PCNX2: variants seen among roughly 807,000 people sequenced by gnomAD.
PCNX2 encodes the protein pecanex-like protein 2.
Under a neutral mutation model 223.8 loss-of-function variants are expected in PCNX2, and 168 were observed. The ratio of observed to expected loss-of-function variants is 0.75; its 90% CI spans 0.66 to 0.85. PCNX2 has a LOEUF of 0.85. PCNX2 is among the 40% of genes least tolerant of loss of function. The probability of loss-of-function intolerance (pLI) is 0.00; values close to 1 mark genes in which losing one functional copy is unlikely to be tolerated. For missense variants in PCNX2, 2,507 were observed against 2,675.5 expected, an observed-to-expected ratio of 0.94 and a Z score of 1.39; for synonymous variants, 1,006 against 1,052.6, an observed-to-expected ratio of 0.96 and a Z score of 0.86.
the PCNX2 span, among the ~76,000 whole-genome samples, chr1:233,316,010 G>T: frequency 1.3e-5 from 2 of 152,218 alleles, no homozygotes; most frequent in South Asian, 4.1e-4. Context: ...TCATGAGCTT[G>T]ATAGTTTACT....
intron 1 of PCNX2, among the ~76,000 whole-genome samples, chr1:233,264,463 T>G (rs540350358): frequency 6.6e-6 from 1 of 152,258 alleles, no homozygotes; most frequent in South Asian, 2.1e-4. Flanking sequence ...CGTGGTCCCA[T>G]GCAAGAGTCT....
intron 32 of PCNX2, among the ~76,000 whole-genome samples, chr1:232,995,122 C>G (rs569473848): frequency 6.6e-6 from 1 of 152,284 alleles, no homozygotes; most frequent in Admixed American, 6.5e-5. Flanking sequence ...AGAACTGTTA[C>G]TGTTATCAAA....
intron 15 of PCNX2, among the ~76,000 whole-genome samples, chr1:233,182,010 C>T (rs890073514): frequency 6.6e-5 from 10 of 152,208 alleles, no homozygotes; most frequent in African/African-American, 1.9e-4. Context: ...TCCTGGTCAT[C>T]AGTGAATGAC....
intron 8 of PCNX2, chr1:233,241,397 G>T: frequency 3.0e-6 from 3 of 983,994 alleles, no homozygotes; most frequent in Non-Finnish European, 3.6e-6. Flanking sequence ...CAAACCTTTC[G>T]TCCTTATGCC....
intron 1 of PCNX2, among the ~76,000 whole-genome samples, chr1:233,284,855 A>C (rs1661364401): frequency 6.6e-6 from 1 of 152,072 alleles, no homozygotes; most frequent in Non-Finnish European, 1.5e-5. Context: ...CCAGAGCCAC[A>C]GCATGACACC....
intron 19 of PCNX2, among the ~76,000 whole-genome samples, chr1:233,141,446 C>T (rs1305668215): frequency 6.6e-6 from 1 of 152,174 alleles, no homozygotes; most frequent in Non-Finnish European, 1.5e-5. Flanking sequence ...GTGGACAGAT[C>T]ACTTGAGGTC....
chr1:232,999,417 G>A, intron 30 of PCNX2, 38 bp from the exon 31 acceptor site: 1 of 1,540,626 alleles, frequency 6.5e-7, no homozygotes, highest in Non-Finnish European at 8.7e-7. Context: ...AAGGCAGAAG[G>A]CCTGTGTTTT....
the PCNX2 span, among the ~76,000 whole-genome samples, chr1:233,316,098 T>C: frequency 6.6e-6 from 1 of 152,228 alleles, no homozygotes; most frequent in Non-Finnish European, 1.5e-5. Context: ...TGTTGCATTA[T>C]TGAATGAAGT....
chr1:233,207,008 C>CAAA (rs142370229), intron 13 of PCNX2, among the ~76,000 whole-genome samples: 2 of 119,294 alleles, frequency 1.7e-5, no homozygotes, highest in Middle Eastern at 3.7e-3. Context: ...GAGACTCCAA[C>CAAA]AAAAAAAAAA....
chr1:233,139,656 C>G lies in PCNX2; in HGVS notation c.3659+58G>C. ...TTCTGCAGATTGTTTACAGAAAATT[C>G]ACTCGATTTTGAAAATGTGACCCAA... On this transcript the variant is annotated intron_variant, in intron 20 of 33. Coordinates refer to ENST00000258229, the MANE Select transcript of PCNX2 (RefSeq NM_014801.4). This position sits in a 1 kb window ranked among gnomAD's most constrained non-coding sequence, Gnocchi z 4.4. The G allele has an allele frequency of 2.6e-6, 4 of 1,515,590 alleles. No homozygotes were observed. Among genetic ancestry groups the G allele is most frequent in the Non-Finnish European group, 1.8e-6 (2 of 1,123,578 alleles). The allele number at this position is 1,515,590 out of a possible 1,614,324, so 93.9% of individuals were successfully genotyped here.
intron 10 of PCNX2, among the ~76,000 whole-genome samples, chr1:233,222,085 C>T (rs756956789): frequency 2.0e-5 from 3 of 151,932 alleles, no homozygotes; most frequent in Non-Finnish European, 2.9e-5. Flanking sequence ...TAGAACCAGG[C>T]GAGAGAAAAG....
In PCNX2 at chr1:232,986,027, C is replaced by T. The variant is rs574525121; in HGVS notation, c.6240+65G>A. 140 of 1,519,274 alleles carry T rather than the reference C, an allele frequency of 9.2e-5. 2 individuals carry two copies. Among genetic ancestry groups the T allele is most frequent in the South Asian group, 7.7e-4 (64 of 83,444 alleles). The allele number at this position is 1,519,274 out of a possible 1,614,324, so 94.1% of individuals were successfully genotyped here. On this transcript the variant is annotated intron_variant, in intron 33 of 33. Coordinates refer to ENST00000258229, the MANE Select transcript of PCNX2 (RefSeq NM_014801.4). ...GGGTGGGAACGCAAGGCAGGTGCCA[C>T]GCTCAGGCCAGGAGCCCGTGCCACC...
chr1:233,267,704 T>A (rs1660413431), intron 1 of PCNX2, among the ~76,000 whole-genome samples: 1 of 152,216 alleles, frequency 6.6e-6, no homozygotes, highest in African/African-American at 2.4e-5. Flanking sequence ...AATTTCCTTC[T>A]TTTTTAAGGC....
intron 22 of PCNX2, among the ~76,000 whole-genome samples, chr1:233,094,040 A>T (rs1674021134): frequency 6.6e-6 from 1 of 152,218 alleles, no homozygotes; most frequent in Non-Finnish European, 1.5e-5. Context: ...TTTGAAAATT[A>T]TGGTTCCCAC....
the PCNX2 span, among the ~76,000 whole-genome samples, chr1:233,314,060 T>G: frequency 6.6e-6 from 1 of 152,222 alleles, no homozygotes; most frequent in Non-Finnish European, 1.5e-5. Flanking sequence ...ATGAAGATAT[T>G]TGCTGCAGGG....
upstream of PCNX2, chr1:233,295,811 C>G (rs1258626247): frequency 3.7e-6 from 1 of 268,588 alleles, no homozygotes; most frequent in Non-Finnish European, 6.9e-6. The surrounding 1 kb of genome is among the most constrained non-coding windows in gnomAD (Gnocchi z 4.1). Context: ...CCCTCCTTAG[C>G]CTTCGCTGGG....
intron 13 of PCNX2, among the ~76,000 whole-genome samples, chr1:233,204,349 A>ACAATAATCT (rs1366886869): frequency 2.6e-5 from 4 of 152,222 alleles, no homozygotes; most frequent in Non-Finnish European, 5.9e-5. Context: ...GAACTGCAAG[A>ACAATAATCT]CAATAATCTT....
chr1:233,281,618 A>G (rs1164518788), intron 1 of PCNX2, among the ~76,000 whole-genome samples: 1 of 152,210 alleles, frequency 6.6e-6, no homozygotes, highest in Non-Finnish European at 1.5e-5. Flanking sequence ...AAGTACCACA[A>G]GGAAATACAT....
At chr1:233,070,230 C>T (rs1672794064) in intron 23 of PCNX2, among the ~76,000 whole-genome samples, 1 of 152,020 alleles carries the variant, frequency 6.6e-6, no homozygotes, top group Admixed American at 6.5e-5. Context: ...TAGAAACTCC[C>T]CCCAAAATGA....
Sources: allele counts gnomAD v4.1 joint callset (sites outside exome capture counted in the v4.1 genomes callset), GRCh38; gene constraint gnomAD v4.1.1; non-coding constraint Gnocchi (gnomAD v3.1); transcripts MANE v1.5; gene names NCBI Gene and HGNC (gene_info 2026-07-23, HGNC 2026-07-21).